EPHA5: variants seen among roughly 807,000 people sequenced by gnomAD.
EPHA5 encodes EPH receptor A5.
EPHA5 carries 60 observed loss-of-function variants against 105.0 expected under a neutral mutation model. That is an observed-to-expected ratio of 0.57 (90% confidence interval 0.46 to 0.71). The LOEUF is 0.71. EPHA5 is among the 30% of genes least tolerant of loss of function. The pLI, the probability that EPHA5 is intolerant of heterozygous loss-of-function variation, is 0.00. For missense variants in EPHA5, 1,218 were observed against 1,274.7 expected, an observed-to-expected ratio of 0.96 and a Z score of 0.68; for synonymous variants, 513 against 449.1, an observed-to-expected ratio of 1.14 and a Z score of -1.80.
intron 3 of EPHA5, among the ~76,000 whole-genome samples, chr4:65,553,949 A>G (rs952461228): frequency 6.6e-6 from 1 of 152,034 alleles, no homozygotes; most frequent in Non-Finnish European, 1.5e-5. Flanking sequence ...GAGCAGCTGT[A>G]CAAAGCAGAC....
At chr4:65,473,683 A>G (rs1013239712) in intron 5 of EPHA5, among the ~76,000 whole-genome samples, 6 of 151,940 alleles carry the variant, frequency 3.9e-5, no homozygotes, top group African/African-American at 2.4e-5. Context: ...GGGGATTACA[A>G]TTGAAGATGA....
intron 6 of EPHA5, 33 bp from the exon 7 acceptor site, chr4:65,414,476 A>G (rs756045471): frequency 6.2e-7 from 1 of 1,605,606 alleles, no homozygotes; most frequent in Non-Finnish European, 8.5e-7. Flanking sequence ...AATAAAAAAG[A>G]CAGCATATAA....
chr4:65,362,972 T>C (rs1252201369), intron 11 of EPHA5, among the ~76,000 whole-genome samples: 2 of 151,818 alleles, frequency 1.3e-5, no homozygotes, highest in Middle Eastern at 6.8e-3. Context: ...AAAATTGTCA[T>C]GTACGCATAG....
intron 3 of EPHA5, among the ~76,000 whole-genome samples, chr4:65,556,096 T>A (rs1738410184): frequency 6.6e-6 from 1 of 152,178 alleles, no homozygotes; most frequent in South Asian, 2.1e-4. Flanking sequence ...ATGAGAAAGA[T>A]CTATACCCTA....
At chr4:65,330,490 G>A (rs1720506073) in intron 16 of EPHA5, 1 of 304,352 alleles carries the variant, frequency 3.3e-6, no homozygotes, top group South Asian at 1.3e-4. Flanking sequence ...TTTGAAGGAA[G>A]AAGCAAAAAT....
intron 5 of EPHA5, among the ~76,000 whole-genome samples, chr4:65,445,920 A>G (rs1178186463): frequency 6.6e-6 from 1 of 152,148 alleles, no homozygotes; most frequent in African/African-American, 2.4e-5. Flanking sequence ...TCATTCTGAA[A>G]TTGAACATTC....
At chr4:65,409,359 A>AAATAAATAAAT (rs1348768687) in intron 7 of EPHA5, among the ~76,000 whole-genome samples, 2 of 149,324 alleles carry the variant, frequency 1.3e-5, no homozygotes, top group Non-Finnish European at 3.0e-5. Flanking sequence ...ATAAATAAAT[A>AAATAAATAAAT]AATAAATAAA....
At position 65,365,254 on chromosome 4, in the gene EPHA5, A is replaced by G. The variant is rs536914575; in HGVS notation, c.1988-52T>C. On this transcript the variant is annotated intron_variant, in intron 10 of 16. Transcript: ENST00000613740. ...AAAACTCATTTGAAATTGTTAGTCTATTAACACTTGTATGCCCTCTTAGAC... is the reference window on the plus strand; with the variant it reads ...AAAACTCATTTGAAATTGTTAGTCTGTTAACACTTGTATGCCCTCTTAGAC... 2.7e-6 allele frequency: 4 copies of G among 1,504,074 alleles called. No individual in the cohort carries two copies. The South Asian group carries it at 4.6e-5, about 17-fold the overall frequency. The allele number at this position is 1,504,074 out of a possible 1,614,324, so 93.2% of individuals were successfully genotyped here. A position where few individuals can be genotyped will look rare whatever the true frequency, so the allele number is the denominator to read the frequency against.
chr4:65,453,583 T>G (rs1352628282), intron 5 of EPHA5, among the ~76,000 whole-genome samples: 2 of 152,152 alleles, frequency 1.3e-5, no homozygotes, highest in African/African-American at 2.4e-5. Flanking sequence ...AGAGTTCATC[T>G]GGTATATGAC....
intron 16 of EPHA5, among the ~76,000 whole-genome samples, chr4:65,325,231 T>C (rs574883483): frequency 1.3e-5 from 2 of 151,508 alleles, no homozygotes; most frequent in East Asian, 2.0e-4. Context: ...TAGAGTTCTA[T>C]TGAATTAATG....
chr4:65,588,893 A>C (rs1374573404), intron 3 of EPHA5, among the ~76,000 whole-genome samples: 1 of 152,132 alleles, frequency 6.6e-6, no homozygotes, highest in Non-Finnish European at 1.5e-5. Flanking sequence ...AAATGGTAGC[A>C]CACAAACAAA....
At chr4:65,332,253 A>T (rs1720695581) in intron 15 of EPHA5, 125 bp from the exon 16 acceptor site, 1 of 683,648 alleles carries the variant, frequency 1.5e-6, no homozygotes, top group Non-Finnish European at 2.2e-6. Context: ...GAGGAAAAAT[A>T]TGCAAATGCT....
chr4:65,558,886 A>G (rs955625938), intron 3 of EPHA5, among the ~76,000 whole-genome samples: 3 of 152,158 alleles, frequency 2.0e-5, no homozygotes, highest in Non-Finnish European at 4.4e-5. Flanking sequence ...ATTCTTAAAA[A>G]CAAAAGATAA....
intron 3 of EPHA5, among the ~76,000 whole-genome samples, chr4:65,502,166 G>A (rs1732556043): frequency 6.6e-6 from 1 of 151,420 alleles, no homozygotes; most frequent in Admixed American, 6.6e-5. Flanking sequence ...AAAACATTAG[G>A]AAACACCATT....
At chr4:65,477,071 G>A (rs1164062111) in intron 5 of EPHA5, among the ~76,000 whole-genome samples, 9 of 152,150 alleles carry the variant, frequency 5.9e-5, no homozygotes, top group African/African-American at 2.2e-4. Flanking sequence ...CGAGTGGTAA[G>A]AACTGTTGTG....
intron 5 of EPHA5, among the ~76,000 whole-genome samples, chr4:65,477,057 A>G (rs1052051903): frequency 1.6e-4 from 24 of 152,342 alleles, no homozygotes; most frequent in African/African-American, 4.8e-4. Flanking sequence ...TATTTTAACA[A>G]TCACGAGTGG....
chr4:65,391,740 C>A (rs1720733064), intron 8 of EPHA5, among the ~76,000 whole-genome samples: 1 of 152,102 alleles, frequency 6.6e-6, no homozygotes, highest in Non-Finnish European at 1.5e-5. Flanking sequence ...ATAGGGATCA[C>A]ATTCTTAGAG....
intron 3 of EPHA5, among the ~76,000 whole-genome samples, chr4:65,540,826 C>A (rs1736752621): frequency 6.7e-6 from 1 of 149,186 alleles, no homozygotes; most frequent in African/African-American, 2.4e-5. Flanking sequence ...GAGATCCCAT[C>A]CCCACCTTTA....
rs778864056 is a variant in EPHA5 at position 65,602,294 on chromosome 4, A to G, written c.257T>C (p.Ile86Thr). The G allele has an allele frequency of 1.9e-6, 3 of 1,597,066 alleles. No individual in the cohort carries two copies. Among genetic ancestry groups the G allele is most frequent in the South Asian group, 1.1e-5 (1 of 90,652 alleles). Residue 86 changes from isoleucine (I) to threonine (T), a missense_variant, in exon 3 of 17, where the codon ATT becomes ACT. Ile to Thr is a moderately conservative substitution (Grantham distance 89). Transcript: ENST00000613740. The part of the protein sequence containing the change: ...IAFPKNGWEE[I>T]GEVDENYAPI... The stretch of plus-strand genomic sequence containing the variant: ...GGCATAATTTTCATCCACTTCACCA[A>G]TCTCTTCCCACTGTACAATATAAAA...
Sources: gnomAD v4.1 joint callset for allele counts (sites outside exome capture counted in the v4.1 genomes callset) on GRCh38, gnomAD v4.1.1 for gene constraint, MANE v1.5 for transcripts, NCBI Gene and HGNC (gene_info 2026-07-23, HGNC 2026-07-21) for gene names.